Variants in CFAP20DC observed in about 807,000 individuals in gnomAD.
CFAP20DC encodes the protein CFAP20 domain containing, also known as protein CFAP20DC.
CFAP20DC carries 84 observed loss-of-function variants against 101.7 expected under a neutral mutation model. The observed-to-expected ratio is 0.83, with a 90% CI of 0.69 to 0.99. The LOEUF (loss-of-function observed/expected upper bound fraction) is 0.99. CFAP20DC is among the 50% of genes least tolerant of loss of function. The pLI is 0.00. For missense variants in CFAP20DC, 1,007 were observed against 970.3 expected, an observed-to-expected ratio of 1.04 and a Z score of -0.50; for synonymous variants, 359 against 351.2, an observed-to-expected ratio of 1.02 and a Z score of -0.25.
intron 4 of CFAP20DC, among the ~76,000 whole-genome samples, chr3:58,982,333 C>T (rs555883914): frequency 1.3e-5 from 2 of 152,230 alleles, no homozygotes; most frequent in South Asian, 2.1e-4. Context: ...ACTAGAAATA[C>T]CATTTGACCC....
chr3:58,821,487 C>T (rs868228628), intron 14 of CFAP20DC, among the ~76,000 whole-genome samples: 2 of 151,810 alleles, frequency 1.3e-5, no homozygotes, highest in Admixed American at 6.6e-5. Context: ...GGGCAAAGGA[C>T]ATGAACAGAC....
At position 59,039,645 on chromosome 3, in the gene CFAP20DC, A is replaced by G; in HGVS notation, c.206-16T>C. ...ATCAATCCAACTAGAATGAAGAGGA[A>G]ATACACATTCAAATGTTCGAAGCAT... On this transcript the variant is annotated splice_polypyrimidine_tract_variant and intron_variant, in intron 3 of 16. Transcript: ENST00000482387. 1 of 1,465,660 alleles carries G rather than the reference A, an allele frequency of 6.8e-7. No homozygotes were observed. The highest frequency in any genetic ancestry group is 2.5e-5 in the East Asian group (1 of 40,248). 90.8% of individuals were successfully genotyped at this position (1,465,660 alleles called of 1,614,324 possible).
In CFAP20DC at chr3:58,894,496, C is replaced by A. The variant is rs2082509598; in HGVS notation, c.551-9787G>T. 6.6e-6 allele frequency among the ~76,000 whole-genome samples: 1 copy of A among 152,240 alleles called. No homozygotes were observed. Among genetic ancestry groups the A allele is most frequent in the South Asian group, 2.1e-4 (1 of 4,832 alleles). On this transcript the variant is annotated intron_variant, in intron 6 of 16. Coordinates refer to ENST00000482387, the MANE Select transcript of CFAP20DC (RefSeq NM_001394063.1). This position sits in a 1 kb window ranked among gnomAD's most constrained non-coding sequence, Gnocchi z 4.1. ...TGATCTCCTTTGACTCCATGTCTCACATTCAGGACACGCTGATGCAGAAGG... is the reference window on the plus strand; with the variant it reads ...TGATCTCCTTTGACTCCATGTCTCAAATTCAGGACACGCTGATGCAGAAGG...
At chr3:58,835,561 T>C (rs1168104826) in intron 13 of CFAP20DC, among the ~76,000 whole-genome samples, 1 of 152,204 alleles carries the variant, frequency 6.6e-6, no homozygotes, top group African/African-American at 2.4e-5. Flanking sequence ...GCTGATGCTA[T>C]ATTTGCTTAA....
At chr3:58,745,081 G>C (rs1421251748) in intron 16 of CFAP20DC, among the ~76,000 whole-genome samples, 1 of 152,118 alleles carries the variant, frequency 6.6e-6, no homozygotes, top group African/African-American at 2.4e-5. Context: ...GAGAAGGAAG[G>C]CTGCGTTTCC....
Position 58,831,864 on chromosome 3 carries a change from G to C in CFAP20DC, c.1997C>G (p.Pro666Arg), listed in dbSNP as rs1485413062. 5.6e-6 allele frequency: 9 copies of C among 1,614,010 alleles called. No homozygotes were observed. The highest frequency in any genetic ancestry group is 4.2e-6 in the Non-Finnish European group (5 of 1,179,952). ...ASEYDWRNYQPSQMSESELQM... is the reference protein window; with the variant it reads ...ASEYDWRNYQRSQMSESELQM... ...TAACTCGGATTCACTCATCTGGCTTGGCTGATAGTTTCGCCAGTCATATTC... is the reference window on the plus strand; with the variant it reads ...TAACTCGGATTCACTCATCTGGCTTCGCTGATAGTTTCGCCAGTCATATTC... The change falls in exon 14 of 17, where the codon CCA becomes CGA. Residue 666 changes from proline (P) to arginine (R), a missense_variant. By Grantham distance (103) the Pro-to-Arg change is moderately radical. Transcript: ENST00000482387.
At chr3:58,804,364 CTTTT>C (rs375391531) in intron 15 of CFAP20DC, among the ~76,000 whole-genome samples, 2 of 138,364 alleles carry the variant, frequency 1.4e-5, no homozygotes, top group Admixed American at 7.3e-5. Flanking sequence ...CAAATTAGTT[CTTTT>C]TTTTTTTTTT....
intron 15 of CFAP20DC, among the ~76,000 whole-genome samples, chr3:58,778,754 C>T (rs958092952): frequency 5.3e-5 from 8 of 152,206 alleles, no homozygotes; most frequent in African/African-American, 1.7e-4. Flanking sequence ...TATTGAGGTC[C>T]GGAGACTGGC....
intron 4 of CFAP20DC, among the ~76,000 whole-genome samples, chr3:58,978,709 C>T (rs1321108938): frequency 2.1e-5 from 3 of 140,354 alleles, no homozygotes; most frequent in Non-Finnish European, 4.5e-5. Context: ...GACTATCTCC[C>T]TGTCTGCAAA....
At position 58,717,623 on chromosome 3, in the gene CFAP20DC, T is replaced by C. The variant is rs1477883243; in HGVS notation, c.205A>G (p.Met69Val). 1.1e-5 allele frequency: 5 copies of C among 452,546 alleles called. No individual in the cohort carries two copies. The highest frequency in any genetic ancestry group is 2.2e-5 in the Non-Finnish European group (5 of 226,004). The allele number at this position is 452,546 out of a possible 1,614,324, so 28.0% of individuals were successfully genotyped here. The stretch of plus-strand genomic sequence containing the variant: ...AAAATGGCTGTAGCACTTCCAGACA[T>C]TTCTTCTGCATTTCAGGTAGGAGAA... The change falls in exon 4 of 4, where the codon ATG (methionine) becomes GTG (valine). Residue 69 changes from methionine (M) to valine (V), a missense_variant. By Grantham distance (21) the Met-to-Val change is conservative. Coordinates refer to the CFAP20DC transcript ENST00000486145. The surrounding 1 kb of genome is among the most constrained non-coding windows in gnomAD (Gnocchi z 4.1).
At chr3:58,993,252 A>C (rs774651600) in intron 4 of CFAP20DC, among the ~76,000 whole-genome samples, 10 of 152,142 alleles carry the variant, frequency 6.6e-5, no homozygotes, top group Admixed American at 1.3e-4. Context: ...TTGTAAATGC[A>C]TTACAAACTT....
At chr3:58,906,392 A>G (rs1313231730) in intron 6 of CFAP20DC, among the ~76,000 whole-genome samples, 1 of 152,128 alleles carries the variant, frequency 6.6e-6, no homozygotes, top group Non-Finnish European at 1.5e-5. Flanking sequence ...TTACACACAG[A>G]ACTCACAGGA....
At chr3:58,765,458 A>G (rs1482786345) in intron 15 of CFAP20DC, among the ~76,000 whole-genome samples, 1 of 146,114 alleles carries the variant, frequency 6.8e-6, no homozygotes, top group South Asian at 2.2e-4. Flanking sequence ...TCTGATGGAG[A>G]ACACATTCTA....
chr3:58,979,473 T>G (rs540410588), intron 4 of CFAP20DC, among the ~76,000 whole-genome samples: 1 of 152,348 alleles, frequency 6.6e-6, no homozygotes, highest in South Asian at 2.1e-4. Context: ...AACAAAGTAT[T>G]TATTCAAATA....
chr3:58,759,050 C>T lies in CFAP20DC; in HGVS notation c.2238-5187G>A, dbSNP rs9834368. Among the ~76,000 whole-genome samples, 1,495 of 152,236 alleles carry T rather than the reference C, an allele frequency of 9.8e-3. 23 individuals carry two copies. Among genetic ancestry groups the T allele is most frequent in the African/African-American group, 0.035 (1,450 of 41,522 alleles). On this transcript the variant is annotated intron_variant, in intron 15 of 16. Coordinates refer to ENST00000482387, the MANE Select transcript of CFAP20DC (RefSeq NM_001394063.1). ...TAATTTATAGTCCTTTGGGTATATA[C>T]CCAGTAATGGGATGGTTGGGTCAAA...
intron 4 of CFAP20DC, among the ~76,000 whole-genome samples, chr3:59,037,830 T>C (rs566716254): frequency 9.2e-5 from 14 of 152,296 alleles, no homozygotes; most frequent in Non-Finnish European, 1.0e-4. Context: ...TGCACACGTA[T>C]GTTTATTACG....
intron 5 of CFAP20DC, among the ~76,000 whole-genome samples, chr3:58,935,058 A>C (rs554038044): frequency 7.2e-4 from 110 of 152,350 alleles, no homozygotes; most frequent in African/African-American, 2.5e-3. Context: ...TTAAGCTGAT[A>C]AGCAACTTCA....
In CFAP20DC at chr3:58,859,547, C is replaced by T. The variant is rs2079081682; in HGVS notation, c.1593+4011G>A. Among the ~76,000 whole-genome samples, 1 of 152,128 alleles carries T rather than the reference C, an allele frequency of 6.6e-6. No individual in the cohort carries two copies. Among genetic ancestry groups the T allele is most frequent in the Admixed American group, 6.5e-5 (1 of 15,280 alleles). ...TTCATCTGCCTATAACAATACAAAG[C>T]CAAGTCACAAGGACCAAGAGACCTG... On this transcript the variant is annotated intron_variant, in intron 12 of 16. Coordinates refer to ENST00000482387, the MANE Select transcript of CFAP20DC (RefSeq NM_001394063.1). This position sits in a 1 kb window ranked among gnomAD's most constrained non-coding sequence, Gnocchi z 4.1.
chr3:59,028,521 A>G (rs1367082016), intron 4 of CFAP20DC, among the ~76,000 whole-genome samples: 1 of 152,216 alleles, frequency 6.6e-6, no homozygotes, highest in African/African-American at 2.4e-5. Context: ...CAAATAAAAT[A>G]TTTACTATAT....
Sources: gnomAD v4.1 joint callset for allele counts (sites outside exome capture counted in the v4.1 genomes callset) on GRCh38, gnomAD v4.1.1 for gene constraint, Gnocchi (gnomAD v3.1) non-coding constraint, MANE v1.5 for transcripts, NCBI Gene and HGNC (gene_info 2026-07-23, HGNC 2026-07-21) for gene names.